DYNAP: variants seen among roughly 807,000 people sequenced by gnomAD.
The protein encoded by DYNAP is dynactin associated protein.
In DYNAP, 7 loss-of-function variants were observed where a neutral mutation model predicts 8.5. The ratio of observed to expected loss-of-function variants is 0.82; its 90% CI spans 0.47 to 1.54. The LOEUF is 1.54. Ranked by LOEUF, DYNAP falls within the 40% of genes most tolerant of loss-of-function variation. DYNAP has a pLI of 0.01. For synonymous variants in DYNAP, 77 were observed against 77.9 expected (o/e 0.99, Z 0.06); for missense variants, 256 against 224.3 (o/e 1.14, Z -0.90).
rs530357336 is a variant in DYNAP at position 54,599,405 on chromosome 18, G to A, written c.*1260G>A. Reference sequence around the variant, plus strand: ...TAGCCTACAACTACTCGCCACACTGGCTCTTCCCCAAAATTGAAATTGTAC... The same window carrying A: ...TAGCCTACAACTACTCGCCACACTGACTCTTCCCCAAAATTGAAATTGTAC... On this transcript the variant is annotated 3_prime_UTR_variant, in exon 3 of 3. Coordinates refer to ENST00000648945, the MANE Select transcript of DYNAP (RefSeq NM_173629.3). The A allele has an allele frequency of 6.6e-6, 1 of 152,086 alleles. No homozygotes were observed. Among genetic ancestry groups the A allele is most frequent in the East Asian group, 1.9e-4 (1 of 5,182 alleles). 9.4% of individuals were successfully genotyped at this position (152,086 alleles called of 1,614,324 possible). A position where few individuals can be genotyped will look rare whatever the true frequency, so the allele number is the denominator to read the frequency against.
chr18:54,592,505 T>A (rs1911122362), intron 1 of DYNAP, among the ~76,000 whole-genome samples: 2 of 152,102 alleles, frequency 1.3e-5, no homozygotes, highest in Admixed American at 1.3e-4. Context: ...TTGAAGATTA[T>A]AAACACACAG....
chr18:54,598,106 C>T lies in DYNAP; in HGVS notation c.516C>T (p.Ser172=), dbSNP rs745921698. ...TTSTATAATT[S]TEPITVAPTD... ...CAACAGCTACAGCTGCCACCACTTC[C>T]ACAGAACCTATAACTGTTGCACCTA... Residue 172 remains serine, a synonymous_variant, in exon 3 of 3, where the codon TCC becomes TCT. Coordinates refer to ENST00000648945, the MANE Select transcript of DYNAP (RefSeq NM_173629.3). The T allele has an allele frequency of 3.7e-6, 6 of 1,613,110 alleles. No individual in the cohort carries two copies. The African/African-American group carries it at 8.0e-5, about 22-fold the overall frequency.
chr18:54,594,895 A>G (rs1272504214), intron 1 of DYNAP, 44 bp from the exon 2 acceptor site: 1 of 1,570,002 alleles, frequency 6.4e-7, no homozygotes, highest in African/African-American at 1.4e-5. Flanking sequence ...ACTCAACACC[A>G]TGGTTTCCTA....
chr18:54,593,855 C>A (rs543824845), intron 1 of DYNAP, among the ~76,000 whole-genome samples: 6 of 152,078 alleles, frequency 3.9e-5, no homozygotes, highest in Non-Finnish European at 7.4e-5. Context: ...ACTGCTTGAG[C>A]CTTGGGAGGT....
At chr18:54,595,205 C>T (rs762128912) in intron 2 of DYNAP, 102 bp downstream of exon 2, 6 of 1,301,224 alleles carry the variant, frequency 4.6e-6, no homozygotes, top group Non-Finnish European at 6.1e-6. Flanking sequence ...TTACTTAATT[C>T]ATTTATATTT....
At chr18:54,579,922 A>T in the DYNAP span, among the ~76,000 whole-genome samples, 1 of 152,348 alleles carries the variant, frequency 6.6e-6, no homozygotes, top group Non-Finnish European at 1.5e-5. Context: ...AGTACTATAC[A>T]GCACTCTAAA....
chr18:54,585,402 C>A (rs184459579), upstream of DYNAP, among the ~76,000 whole-genome samples: 3 of 152,068 alleles, frequency 2.0e-5, no homozygotes, highest in East Asian at 1.9e-4. Flanking sequence ...CTAGTTAATA[C>A]CGATTTTCAT....
rs942319955 is a variant in DYNAP at position 54,595,170 on chromosome 18, A to G, written c.222+67A>G. The G allele has an allele frequency of 7.6e-6, 11 of 1,438,816 alleles. No homozygotes were observed. The African/African-American group carries it at 1.2e-4, about 15-fold the overall frequency. 89.1% of individuals were successfully genotyped at this position (1,438,816 alleles called of 1,614,324 possible). On this transcript the variant is annotated intron_variant, in intron 2 of 2. Coordinates refer to ENST00000648945, the MANE Select transcript of DYNAP (RefSeq NM_173629.3). ...CTCTATATGGGCATGTACTTTGCCT[A>G]TTCTTTCCCAAGAAATGTACTTAAT...
At chr18:54,596,804 C>G (rs1178767543) in intron 2 of DYNAP, among the ~76,000 whole-genome samples, 1 of 152,074 alleles carries the variant, frequency 6.6e-6, no homozygotes, top group African/African-American at 2.4e-5. Flanking sequence ...CTTGAACCTC[C>G]TTTTCAGTGC....
upstream of DYNAP, chr18:54,587,734 G>C (rs370341789): frequency 2.5e-6 from 1 of 397,322 alleles, no homozygotes; most frequent in Non-Finnish European, 4.5e-6. Flanking sequence ...AGAAAAAATA[G>C]TTTATTTTGG....
At chr18:54,593,292 G>C (rs887651779) in intron 1 of DYNAP, among the ~76,000 whole-genome samples, 24 of 152,004 alleles carry the variant, frequency 1.6e-4, no homozygotes, top group African/African-American at 5.1e-4. Flanking sequence ...CTCACTGGTT[G>C]GTTGGCCAGT....
upstream of DYNAP, among the ~76,000 whole-genome samples, chr18:54,582,798 A>C (rs964246450): frequency 6.6e-6 from 1 of 151,678 alleles, no homozygotes; most frequent in South Asian, 2.1e-4. Flanking sequence ...TATATCTTTT[A>C]TTTTCCACCA....
chr18:54,593,933 CAACAA>C (rs1264400054), intron 1 of DYNAP, among the ~76,000 whole-genome samples: 4 of 151,942 alleles, frequency 2.6e-5, no homozygotes, highest in Non-Finnish European at 5.9e-5. Flanking sequence ...GATCCCATCT[CAACAA>C]AACAAAACAG....
chr18:54,594,588 T>A (rs1402417651), intron 1 of DYNAP, among the ~76,000 whole-genome samples: 1 of 152,108 alleles, frequency 6.6e-6, no homozygotes, highest in Non-Finnish European at 1.5e-5. Context: ...CTGAACAGGT[T>A]GTACCCAATA....
In DYNAP at chr18:54,598,073, T is replaced by C. The variant is rs1911386832; in HGVS notation, c.483T>C (p.Ser161=). Residue 161 remains serine, a synonymous_variant, in exon 3 of 3, where the codon TCT becomes TCC. Coordinates refer to ENST00000648945, the MANE Select transcript of DYNAP (RefSeq NM_173629.3). ...TACCTGCAAGTACAGCCACTGAATC[T>C]ACAACTTCAACAGCTACAGCTGCCA... The part of the protein sequence containing the change: ...STVPASTATE[S]TTSTATAATT... The C allele has an allele frequency of 6.2e-7, 1 of 1,613,196 alleles. No homozygotes were observed. The highest frequency in any genetic ancestry group is 1.3e-5 in the African/African-American group (1 of 74,972).
chr18:54,596,854 A>C (rs1278136979), intron 2 of DYNAP, among the ~76,000 whole-genome samples: 1 of 152,096 alleles, frequency 6.6e-6, no homozygotes, highest in Non-Finnish European at 1.5e-5. Context: ...TCCTAGGGCT[A>C]ACTTGATCTT....
chr18:54,587,420 AC>A (rs1361057290), upstream of DYNAP, among the ~76,000 whole-genome samples: 4 of 152,274 alleles, frequency 2.6e-5, no homozygotes, highest in Admixed American at 2.6e-4. Context: ...AACCCATCAT[AC>A]CTCATGTGAA....
At chr18:54,591,232 C>T (rs1413477736), upstream of DYNAP, 5 of 1,611,848 alleles carry the variant, frequency 3.1e-6, no homozygotes, top group Non-Finnish European at 4.2e-6. Context: ...GGGCAATGAA[C>T]AAATTGAAAA....
In DYNAP at chr18:54,595,137, G is replaced by A. The variant is rs757238282; in HGVS notation, c.222+34G>A. 2.5e-6 allele frequency: 4 copies of A among 1,589,986 alleles called. No individual in the cohort carries two copies. The Admixed American group carries it at 7.0e-5, about 28-fold the overall frequency. ...TAGCACGGGAGCTTTTATTCAAGTT[G>A]GGATGTGCTCTATATGGGCATGTAC... On this transcript the variant is annotated intron_variant, in intron 2 of 2. Coordinates refer to ENST00000648945, the MANE Select transcript of DYNAP (RefSeq NM_173629.3).
Sources: gnomAD v4.1 joint callset for allele counts (sites outside exome capture counted in the v4.1 genomes callset) on GRCh38, gnomAD v4.1.1 for gene constraint, MANE v1.5 for transcripts, NCBI Gene and HGNC (gene_info 2026-07-23, HGNC 2026-07-21) for gene names.